The following SLAMF7 variants were observed in gnomAD, a reference collection of about 807,000 sequenced individuals.
SLAMF7 encodes the protein 19A24 protein.
A neutral mutation model predicts 34.1 loss-of-function variants in SLAMF7; 26 were observed. That is an observed-to-expected ratio of 0.76 (90% CI 0.56 to 1.06). The LOEUF (loss-of-function observed/expected upper bound fraction) is 1.06, where lower values mean the gene tolerates loss of function less well. Among genes scored for constraint, SLAMF7 ranks in the 50% least tolerant of loss-of-function variants. The pLI, the probability that SLAMF7 is intolerant of heterozygous loss-of-function variation, is 0.00. For missense variants in SLAMF7, 399 were observed against 402.5 expected (o/e 0.99, Z 0.07); for synonymous variants, 171 against 156.4 (o/e 1.09, Z -0.70).
chr1:160,751,995 T>A (rs1664670869), intron 5 of SLAMF7, 191 bp from the exon 6 acceptor site: 1 of 467,336 alleles, frequency 2.1e-6, no homozygotes, highest in African/African-American at 2.0e-5. Flanking sequence ...GTTATCAAAA[T>A]TTATTATAAT....
intron 6 of SLAMF7, among the ~76,000 whole-genome samples, chr1:160,752,659 G>T (rs1178973909): frequency 3.3e-5 from 5 of 152,114 alleles, no homozygotes; most frequent in African/African-American, 1.2e-4. Context: ...TTCTCCCATG[G>T]TCCAGCTATG....
At chr1:160,752,395 G>T (rs1664706183) in intron 6 of SLAMF7, 147 bp downstream of exon 6, 1 of 615,498 alleles carries the variant, frequency 1.6e-6, no homozygotes, top group South Asian at 2.1e-5. Flanking sequence ...TTTGCTTAGG[G>T]TTATACAAGA....
Position 160,741,726 on chromosome 1 carries a change from AC to A in SLAMF7, c.55+2371del, listed in dbSNP as rs529527134. On this transcript the variant is annotated intron_variant, in intron 1 of 6. Coordinates refer to ENST00000368043, the MANE Select transcript of SLAMF7 (RefSeq NM_021181.5). ...ACCTCCTCCTGAGCTCCCAAGAAAT[AC>A]ACTGAGGCACTGCCACAGCCTCCAA... 9.9e-5 allele frequency among the ~76,000 whole-genome samples: 15 copies of A among 152,284 alleles called. No homozygotes were observed. In the East Asian group the frequency reaches 2.9e-3, roughly 30 times the overall value.
rs772625868 is a variant in SLAMF7, at chr1:160,739,363, C to A, written c.55+7C>A. 4.5e-5 allele frequency: 73 copies of A among 1,611,578 alleles called. No homozygotes were observed. The highest frequency in any genetic ancestry group is 5.7e-5 in the Non-Finnish European group (67 of 1,178,604). ...ATCCTTTGGCAGCTCACAGGTGAGTCCGGCCGGATTCTCTTCCACTCTCCT... is the reference window on the plus strand; with the variant it reads ...ATCCTTTGGCAGCTCACAGGTGAGTACGGCCGGATTCTCTTCCACTCTCCT... On this transcript the variant is annotated splice_region_variant and intron_variant, in intron 1 of 6. Transcript: ENST00000368043.
intron 6 of SLAMF7, among the ~76,000 whole-genome samples, chr1:160,752,761 T>C (rs1012023688): frequency 6.6e-6 from 1 of 152,164 alleles, no homozygotes; most frequent in East Asian, 1.9e-4. Context: ...GCAGCAGTAA[T>C]GGTATCTTTC....
chr1:160,739,529 G>A (rs2101646980), intron 1 of SLAMF7, 173 bp downstream of exon 1: 3 of 574,244 alleles, frequency 5.2e-6, no homozygotes, highest in East Asian at 6.3e-5. Context: ...AGAGACTAGA[G>A]AGAGGGGGAA....
Position 160,748,294 on chromosome 1 carries a change from C to T in SLAMF7, c.156C>T (p.Val52=). ...AAGTAAAGCAAGTTGACTCTATTGTCTGGACCTTCAACACAACCCCTCTTG... is the reference window on the plus strand; with the variant it reads ...AAGTAAAGCAAGTTGACTCTATTGTTTGGACCTTCAACACAACCCCTCTTG... ...KSKVKQVDSI[V]WTFNTTPLVT... is the part of the protein sequence containing the mutation. The change falls in exon 2 of 7, where the codon GTC becomes GTT. Residue 52 remains valine, a synonymous_variant. Coordinates refer to ENST00000368043, the MANE Select transcript of SLAMF7 (RefSeq NM_021181.5). 6.2e-7 allele frequency: 1 copy of T among 1,614,116 alleles called. No homozygotes were observed. Among genetic ancestry groups the T allele is most frequent in the Non-Finnish European group, 8.5e-7 (1 of 1,179,972 alleles).
At position 160,751,207 on chromosome 1, in the gene SLAMF7, T is replaced by C. The variant is rs1664544050; in HGVS notation, c.770-138T>C. 3 of 675,894 alleles carry C rather than the reference T, an allele frequency of 4.4e-6. No homozygotes were observed. The African/African-American group carries it at 5.4e-5, about 12-fold the overall frequency. The allele number at this position is 675,894 out of a possible 1,614,324, so 41.9% of individuals were successfully genotyped here. On this transcript the variant is annotated intron_variant, in intron 4 of 6. Transcript: ENST00000368043. ...CCCAGTTTTAACACTGAAAGTCCTC[T>C]ATCCTGAAAACCCTTCCATTACAAG...
Position 160,748,521 on chromosome 1 carries a change from A to G in SLAMF7, c.376+7A>G, listed in dbSNP as rs1051036703. ...TACGTGCTGCATGTCTACGGTGAGC[A>G]AAATCAGTTCCAATGGTGGATGGCT... On this transcript the variant is annotated splice_region_variant and intron_variant, in intron 2 of 6. Transcript: ENST00000368043. 3.1e-6 allele frequency: 5 copies of G among 1,604,180 alleles called. No homozygotes were observed. Among genetic ancestry groups the G allele is most frequent in the Admixed American group, 3.4e-5 (2 of 59,558 alleles).
At chr1:160,746,132 A>T (rs1024741540) in intron 1 of SLAMF7, among the ~76,000 whole-genome samples, 1 of 152,220 alleles carries the variant, frequency 6.6e-6, no homozygotes, top group Non-Finnish European at 1.5e-5. Context: ...CACACAGGAG[A>T]CACTGTACAT....
chr1:160,744,627 G>T (rs982899241), intron 1 of SLAMF7, among the ~76,000 whole-genome samples: 1 of 152,192 alleles, frequency 6.6e-6, no homozygotes, highest in Non-Finnish European at 1.5e-5. Context: ...AAGAGTAGTT[G>T]CATGCTAGCA....
intron 1 of SLAMF7, among the ~76,000 whole-genome samples, chr1:160,742,377 T>C (rs761355184): frequency 1.9e-4 from 29 of 152,198 alleles, no homozygotes; most frequent in Non-Finnish European, 3.8e-4. Flanking sequence ...GGAATGCTCA[T>C]GGCCGTCTTA....
In SLAMF7 at chr1:160,748,376, A is replaced by T; in HGVS notation, c.238A>T (p.Arg80Ter). The change falls in exon 2 of 7, where the codon AGA (arginine) becomes TGA (stop). Residue 80 changes from arginine to a stop codon, truncating the protein, a stop_gained. Coordinates refer to ENST00000368043, the MANE Select transcript of SLAMF7 (RefSeq NM_021181.5). LOFTEE classifies it high-confidence loss of function. ...IIVTQNRNRE[R>*]VDFPDGGYSL... ...AGTGACCCAAAATCGTAATAGGGAGAGAGTAGACTTCCCAGATGGAGGCTA... is the reference window on the plus strand; with the variant it reads ...AGTGACCCAAAATCGTAATAGGGAGTGAGTAGACTTCCCAGATGGAGGCTA... 1 of 1,614,090 alleles carries T rather than the reference A, an allele frequency of 6.2e-7. No individual in the cohort carries two copies. Among genetic ancestry groups the T allele is most frequent in the Non-Finnish European group, 8.5e-7 (1 of 1,179,978 alleles).
chr1:160,748,598 TGAA>T, intron 2 of SLAMF7, 84 bp downstream of exon 2: 1 of 1,276,254 alleles, frequency 7.8e-7, no homozygotes. Flanking sequence ...AAGCAGAGGC[TGAA>T]TAAACACTTG....
In SLAMF7 at chr1:160,739,310, TTC is replaced by T. The variant is rs1663542899; in HGVS notation, c.10_11del (p.Ser4ProfsTer45). 3.1e-6 allele frequency: 5 copies of T among 1,610,470 alleles called. No individual in the cohort carries two copies. The highest frequency in any genetic ancestry group is 4.2e-6 in the Non-Finnish European group (5 of 1,178,980). MAG[S>X]PTCLTLIYIL... The stretch of plus-strand genomic sequence containing the variant: ...GACTTCCAGAGAGCAATATGGCTGG[TTC>T]CCCAACATGCCTCACCCTCATCTAT... On this transcript the variant is annotated frameshift_variant, in exon 1 of 7. Transcript: ENST00000368043. LOFTEE classifies it high-confidence loss of function.
chr1:160,742,814 C>G (rs1462810256), intron 1 of SLAMF7, among the ~76,000 whole-genome samples: 30 of 152,138 alleles, frequency 2.0e-4, no homozygotes, highest in Non-Finnish European at 7.4e-5. Context: ...CTCCAGTATC[C>G]CAATTTATAA....
At chr1:160,753,044 C>T (rs1012097100) in intron 6 of SLAMF7, 62 bp from the exon 7 acceptor site, 19 of 1,497,836 alleles carry the variant, frequency 1.3e-5, no homozygotes, top group Non-Finnish European at 1.7e-5. Flanking sequence ...GTCAGGGTCT[C>T]CATGGACGAT....
At chr1:160,739,119 C>A, upstream of SLAMF7, 1 of 649,280 alleles carries the variant, frequency 1.5e-6, no homozygotes, top group Non-Finnish European at 2.8e-6. Flanking sequence ...ATAGATCTCT[C>A]ATAGATTGCT....
chr1:160,742,270 C>G (rs1468450496), intron 1 of SLAMF7, among the ~76,000 whole-genome samples: 2 of 152,184 alleles, frequency 1.3e-5, no homozygotes, highest in Non-Finnish European at 2.9e-5. Flanking sequence ...CTGACTCCTC[C>G]TGATGCAAAG....
Sources: gnomAD v4.1 joint callset for allele counts (sites outside exome capture counted in the v4.1 genomes callset) on GRCh38, gnomAD v4.1.1 for gene constraint, MANE v1.5 for transcripts, NCBI Gene and HGNC (gene_info 2026-07-23, HGNC 2026-07-21) for gene names.